The following KCNA3 variants were observed in gnomAD, a reference collection of about 807,000 sequenced individuals.
KCNA3 encodes RP11-284N8.3.
KCNA3 carries 18 observed loss-of-function variants against 34.3 expected under a neutral mutation model. The ratio of observed to expected loss-of-function variants is 0.52; its 90% CI spans 0.36 to 0.78. KCNA3 has a LOEUF of 0.78. Among genes scored for constraint, KCNA3 ranks in the 30% least tolerant of loss-of-function variants. The pLI is 0.00. For synonymous variants in KCNA3, 324 were observed against 351.7 expected (o/e 0.92, Z 0.88); for missense variants, 587 against 802.5 (o/e 0.73, Z 3.24).
the KCNA3 span, among the ~76,000 whole-genome samples, chr1:110,667,334 TATG>T: frequency 3.2e-4 from 48 of 152,122 alleles, no homozygotes; most frequent in Non-Finnish European, 6.0e-4. Flanking sequence ...GCCTTTGTGC[TATG>T]ATATTAGGAG....
chr1:110,658,929 T>G, the KCNA3 span, among the ~76,000 whole-genome samples: 1 of 152,266 alleles, frequency 6.6e-6, no homozygotes, highest in South Asian at 2.1e-4. Context: ...ATTTGCAAAT[T>G]TATCATTTTG....
Position 110,674,654 on chromosome 1 carries a change from G to A in KCNA3, c.156C>T (p.Asp52=). 5 of 1,527,982 alleles carry A rather than the reference G, an allele frequency of 3.3e-6. No homozygotes were observed. The highest frequency in any genetic ancestry group is 1.2e-5 in the South Asian group (1 of 81,296). The allele number at this position is 1,527,982 out of a possible 1,614,324, so 94.7% of individuals were successfully genotyped here. The stretch of plus-strand genomic sequence containing the variant: ...GGTGGTCCCCGGGCACCACGGTCAT[G>A]TCGGGCGGCAGCTCGCGGCCTGCGG... ...EPAAGRELPP[D]MTVVPGDHLL... is the part of the protein sequence containing the mutation. The change falls in exon 1 of 1, where the codon GAC becomes GAT. Residue 52 remains aspartate, a synonymous_variant. Coordinates refer to ENST00000369769, the MANE Select transcript of KCNA3 (RefSeq NM_002232.5). The surrounding 1 kb of genome is among the most constrained non-coding windows in gnomAD (Gnocchi z 6.4).
At chr1:110,663,209 A>C in the KCNA3 span, among the ~76,000 whole-genome samples, 2 of 152,206 alleles carry the variant, frequency 1.3e-5, no homozygotes, top group Admixed American at 6.5e-5. Context: ...AAAAATAAAC[A>C]ATGTCACAAT....
At chr1:110,671,937 C>T (rs958046498), downstream of KCNA3, among the ~76,000 whole-genome samples, 1 of 152,198 alleles carries the variant, frequency 6.6e-6, no homozygotes, top group African/African-American at 2.4e-5. Context: ...CTCCTTGATT[C>T]AGTCATTATG....
At chr1:110,671,290 A>C (rs1651881501), downstream of KCNA3, among the ~76,000 whole-genome samples, 1 of 152,260 alleles carries the variant, frequency 6.6e-6, no homozygotes, top group Admixed American at 6.5e-5. Flanking sequence ...AACAATGGAA[A>C]CTAAACGACA....
chr1:110,674,673 C>T lies in KCNA3; in HGVS notation c.137G>A (p.Gly46Asp), dbSNP rs1377451883. 3.3e-6 allele frequency: 5 copies of T among 1,513,750 alleles called. No homozygotes were observed. The highest frequency in any genetic ancestry group is 2.0e-4 in the Middle Eastern group (1 of 4,922). The allele number at this position is 1,513,750 out of a possible 1,614,324, so 93.8% of individuals were successfully genotyped here. The part of the protein sequence containing the change: ...VNHGYAEPAA[G>D]RELPPDMTVV... ...GGTCATGTCGGGCGGCAGCTCGCGG[C>T]CTGCGGCGGGCTCCGCGTAGCCGTG... The change falls in exon 1 of 1, where the codon GGC (glycine) becomes GAC (aspartate). Residue 46 changes from glycine (G) to aspartate (D), a missense_variant. By Grantham distance (94) the Gly-to-Asp change is moderately conservative (BLOSUM62 -1). Coordinates refer to ENST00000369769, the MANE Select transcript of KCNA3 (RefSeq NM_002232.5). This position sits in a 1 kb window ranked among gnomAD's most constrained non-coding sequence, Gnocchi z 6.4.
the KCNA3 span, among the ~76,000 whole-genome samples, chr1:110,660,424 TC>T: frequency 6.6e-6 from 1 of 152,178 alleles, no homozygotes; most frequent in Non-Finnish European, 1.5e-5. Context: ...GGATTTTTTT[TC>T]CTGGCTGCCC....
downstream of KCNA3, among the ~76,000 whole-genome samples, chr1:110,667,871 T>C (rs569717962): frequency 2.2e-3 from 341 of 152,122 alleles, 3 homozygotes; most frequent in Non-Finnish European, 1.6e-3. Flanking sequence ...TGAATATGAG[T>C]ACATAAAGAA....
Position 110,673,662 on chromosome 1 carries a change from C to T in KCNA3, c.1148G>A (p.Gly383Glu). 1 of 1,614,186 alleles carries T rather than the reference C, an allele frequency of 6.2e-7. No individual in the cohort carries two copies. Among genetic ancestry groups the T allele is most frequent in the Non-Finnish European group, 8.5e-7 (1 of 1,180,038 alleles). Residue 383 changes from glycine to glutamate, a missense_variant, in exon 1 of 1, where the codon GGG becomes GAG. Transcript: ENST00000369769. This position sits in a 1 kb window ranked among gnomAD's most constrained non-coding sequence, Gnocchi z 8.8. ...CAGCGTTTGCCCGAGGATCTGCAGCCCCTTGGAGTGGCGCGACAGCTTGAA... is the reference window on the plus strand; with the variant it reads ...CAGCGTTTGCCCGAGGATCTGCAGCTCCTTGGAGTGGCGCGACAGCTTGAA... ...RIFKLSRHSK[G>E]LQILGQTLKA...
At chr1:110,658,114 G>C in the KCNA3 span, among the ~76,000 whole-genome samples, 1 of 152,208 alleles carries the variant, frequency 6.6e-6, no homozygotes. Context: ...CAGATTGTGA[G>C]ACATTCATTG....
chr1:110,669,213 T>C (rs1314994526), downstream of KCNA3, among the ~76,000 whole-genome samples: 3 of 152,170 alleles, frequency 2.0e-5, no homozygotes, highest in Non-Finnish European at 4.4e-5. Context: ...CTTCAGTAAA[T>C]GAAGCAAAGC....
the KCNA3 span, among the ~76,000 whole-genome samples, chr1:110,665,354 A>G: frequency 6.6e-6 from 1 of 152,204 alleles, no homozygotes; most frequent in African/African-American, 2.4e-5. Context: ...AACATTTTAG[A>G]AGTGTCAACA....
downstream of KCNA3, among the ~76,000 whole-genome samples, chr1:110,671,018 T>G (rs1192820971): frequency 6.6e-6 from 1 of 152,228 alleles, no homozygotes; most frequent in East Asian, 1.9e-4. Flanking sequence ...ACAGAATGAT[T>G]ATGTTTAAAT....
At chr1:110,656,019 G>A in the KCNA3 span, 1 of 151,878 alleles carries the variant, frequency 6.6e-6, no homozygotes, top group Non-Finnish European at 1.5e-5. Flanking sequence ...GGCCTCCTTT[G>A]TATTCAAAAA....
At chr1:110,672,155 A>C (rs1176084428), downstream of KCNA3, among the ~76,000 whole-genome samples, 13 of 152,280 alleles carry the variant, frequency 8.5e-5, no homozygotes, top group Non-Finnish European at 2.9e-5. Flanking sequence ...ATGCCATGAC[A>C]ACCTTTTTCG....
the KCNA3 span, among the ~76,000 whole-genome samples, chr1:110,658,111 T>C: frequency 1.3e-5 from 2 of 152,242 alleles, no homozygotes; most frequent in African/African-American, 4.8e-5. Flanking sequence ...CAGCAGATTG[T>C]GAGACATTCA....
Position 110,673,132 on chromosome 1 carries a change from T to C in KCNA3, c.1678A>G (p.Asn560Asp). Residue 560 changes from asparagine to aspartate, a missense_variant, in exon 1 of 1, where the codon AAT (asparagine) becomes GAT (aspartate). Transcript: ENST00000369769. This position sits in a 1 kb window ranked among gnomAD's most constrained non-coding sequence, Gnocchi z 8.8. ...GNSTATCTTN[N>D]NPNSCVNIKK... Reference sequence around the variant, plus strand: ...ATGTTGACACAAGAGTTGGGATTATTGTTCGTGGTGCAGGTGGCAGTGGAA... The same window carrying C: ...ATGTTGACACAAGAGTTGGGATTATCGTTCGTGGTGCAGGTGGCAGTGGAA... 1 of 1,614,004 alleles carries C rather than the reference T, an allele frequency of 6.2e-7. No homozygotes were observed. The highest frequency in any genetic ancestry group is 8.5e-7 in the Non-Finnish European group (1 of 1,179,950).
the KCNA3 span, among the ~76,000 whole-genome samples, chr1:110,666,702 C>T: frequency 6.6e-6 from 1 of 152,126 alleles, no homozygotes; most frequent in African/African-American, 2.4e-5. Context: ...GACCTTCACA[C>T]TTAATGTAGG....
At chr1:110,655,660 C>T in the KCNA3 span, 1 of 152,122 alleles carries the variant, frequency 6.6e-6, no homozygotes, top group South Asian at 2.1e-4. Flanking sequence ...TCAAAATATA[C>T]ATTTCCTTTT....
Sources: gnomAD v4.1 joint callset for allele counts (sites outside exome capture counted in the v4.1 genomes callset) on GRCh38, gnomAD v4.1.1 for gene constraint, Gnocchi (gnomAD v3.1) non-coding constraint, MANE v1.5 for transcripts, NCBI Gene and HGNC (gene_info 2026-07-23, HGNC 2026-07-21) for gene names.